PCNX1: variants seen among roughly 807,000 people sequenced by gnomAD.
PCNX1 encodes the protein pecanex-like protein 1.
Under a neutral mutation model 242.2 loss-of-function variants are expected in PCNX1, and 78 were observed. That is an observed-to-expected ratio of 0.32 (90% confidence interval 0.27 to 0.39). PCNX1 has a LOEUF of 0.39. PCNX1 is among the 10% of genes least tolerant of loss of function. The pLI, the probability that PCNX1 is intolerant of heterozygous loss-of-function variation, is 1.00. For synonymous variants in PCNX1, 1,024 were observed against 1,032.9 expected, an observed-to-expected ratio of 0.99 and a Z score of 0.17; for missense variants, 2,581 against 2,856.5, an observed-to-expected ratio of 0.90 and a Z score of 2.20.
In PCNX1 at chr14:71,057,614, G is replaced by C; in HGVS notation, c.4742G>C (p.Ser1581Thr). ...DLLLGRWGNYSTGDCFILASD... is the reference protein window; with the variant it reads ...DLLLGRWGNYTTGDCFILASD... ...CTACTAGGACGGTGGGGAAACTACA[G>C]TACAGGGGACTGTTTCATCCTTGCC... Residue 1581 changes from serine (S) to threonine (T), a missense_variant, in exon 26 of 36, where the codon AGT becomes ACT. By Grantham distance (58) the Ser-to-Thr change is moderately conservative. Around this residue, in one of 9 missense-constraint regions of PCNX1, gnomAD observed 54 missense variants for 45.3 expected, o/e 1.19. Transcript: ENST00000304743. 1 of 1,613,548 alleles carries C rather than the reference G, an allele frequency of 6.2e-7. No individual in the cohort carries two copies. Among genetic ancestry groups the C allele is most frequent in the Non-Finnish European group, 8.5e-7 (1 of 1,179,490 alleles).
rs902352364 is a variant in PCNX1 at position 70,984,394 on chromosome 14, AT to A, written c.2312-4163del. Among the ~76,000 whole-genome samples the A allele has an allele frequency of 8.1e-5, 12 of 148,890 alleles. No individual in the cohort carries two copies. In the South Asian group the frequency reaches 1.3e-3, roughly 16 times the overall value. ...ATTAATCAGGTATATGATTGACATCATTTTTTTTTTGAGACGGAGTCTCACT... is the reference window on the plus strand; with the variant it reads ...ATTAATCAGGTATATGATTGACATCATTTTTTTTTGAGACGGAGTCTCACT... On this transcript the variant is annotated intron_variant, in intron 6 of 35. Transcript: ENST00000304743.
chr14:71,049,711 A>G lies in PCNX1; in HGVS notation c.4339-941A>G, dbSNP rs536830085. Among the ~76,000 whole-genome samples, 21 of 152,314 alleles carry G rather than the reference A, an allele frequency of 1.4e-4. No individual in the cohort carries two copies. In the South Asian group the frequency reaches 4.4e-3, roughly 32 times the overall value. On this transcript the variant is annotated intron_variant, in intron 22 of 35. Transcript: ENST00000304743. ...CAAAAATAATTTTGAGTCATGGCAA[A>G]AATACTGCAGTTCATCTACATTTTT...
chr14:71,027,628 A>G (rs2060273638), intron 15 of PCNX1, among the ~76,000 whole-genome samples: 1 of 151,956 alleles, frequency 6.6e-6, no homozygotes, highest in Admixed American at 6.6e-5. Flanking sequence ...TCACATTTTC[A>G]GGCCTCATTT....
In PCNX1 at chr14:71,103,570, C is replaced by T. The variant is rs931747725; in HGVS notation, c.5996C>T (p.Thr1999Ile). The T allele has an allele frequency of 1.2e-6, 2 of 1,614,164 alleles. No individual in the cohort carries two copies. The highest frequency in any genetic ancestry group is 1.7e-5 in the Admixed American group (1 of 60,018). ...IGYPIFVSPL[T>I]TSYSDSHEQL... ...TACCCAATCTTTGTCTCACCCCTGA[C>T]AACTTCTTACTCTGACAGCCACGAA... The change falls in exon 32 of 36, where the codon ACA becomes ATA. Residue 1999 changes from threonine (T) to isoleucine (I), a missense_variant. By Grantham distance (89) the Thr-to-Ile change is moderately conservative (BLOSUM62 -1). Transcript: ENST00000304743.
intron 30 of PCNX1, among the ~76,000 whole-genome samples, chr14:71,100,375 G>T (rs1387564063): frequency 6.6e-6 from 1 of 152,176 alleles, no homozygotes; most frequent in Non-Finnish European, 1.5e-5. Flanking sequence ...GGCAGGATAT[G>T]AAATTCTTGG....
chr14:70,989,208 C>T (rs185264452), intron 7 of PCNX1, among the ~76,000 whole-genome samples: 20 of 151,942 alleles, frequency 1.3e-4, no homozygotes, highest in Admixed American at 1.0e-3. Context: ...CTTTTATAAT[C>T]ATCAGGATCT....
intron 26 of PCNX1, among the ~76,000 whole-genome samples, chr14:71,062,830 G>A (rs1207932674): frequency 6.6e-6 from 1 of 152,114 alleles, no homozygotes; most frequent in Admixed American, 6.6e-5. Context: ...TGTGGCAAGT[G>A]CCCTATATAG....
rs549240189 is a variant in PCNX1 at position 71,099,944 on chromosome 14, C to T, written c.5590-2046C>T. The stretch of plus-strand genomic sequence containing the variant: ...AATCTTTCTCCAGCCCTTTACTTTG[C>T]ACCTATGAGTGTCATTGCATGTGAG... On this transcript the variant is annotated intron_variant, in intron 30 of 35. Transcript: ENST00000304743. Among the ~76,000 whole-genome samples the T allele has an allele frequency of 5.3e-5, 8 of 152,236 alleles. No individual in the cohort carries two copies. The South Asian group carries it at 1.5e-3, about 28-fold the overall frequency.
chr14:71,014,918 G>A (rs2059920650), intron 11 of PCNX1, among the ~76,000 whole-genome samples: 1 of 151,906 alleles, frequency 6.6e-6, no homozygotes, highest in Non-Finnish European at 1.5e-5. Flanking sequence ...CTACACCAAG[G>A]GACACAACTG....
At chr14:70,917,908 T>C (rs1242017450) in intron 1 of PCNX1, among the ~76,000 whole-genome samples, 2 of 152,242 alleles carry the variant, frequency 1.3e-5, no homozygotes, top group African/African-American at 2.4e-5. Flanking sequence ...TTAGATCTTC[T>C]GGATAACTTG....
chr14:70,983,595 G>A (rs2058910169), intron 6 of PCNX1, among the ~76,000 whole-genome samples: 1 of 151,680 alleles, frequency 6.6e-6, no homozygotes, highest in South Asian at 2.1e-4. Flanking sequence ...GAGCCACCGT[G>A]CCCACCCATA....
intron 25 of PCNX1, among the ~76,000 whole-genome samples, chr14:71,057,126 AC>A (rs1205909348): frequency 6.6e-6 from 1 of 151,928 alleles, no homozygotes; most frequent in Non-Finnish European, 1.5e-5. Context: ...TACTTCCTTT[AC>A]TAAATAGTCT....
intron 1 of PCNX1, among the ~76,000 whole-genome samples, chr14:70,908,954 A>G (rs921349726): frequency 6.6e-6 from 1 of 152,258 alleles, no homozygotes; most frequent in Non-Finnish European, 1.5e-5. Context: ...ATGTTACTTA[A>G]GGCTTCATAT....
intron 2 of PCNX1, among the ~76,000 whole-genome samples, chr14:70,951,953 TAAG>T: frequency 6.6e-6 from 1 of 152,334 alleles, no homozygotes; most frequent in East Asian, 1.9e-4. Flanking sequence ...CTATTTCTGT[TAAG>T]AAATGCATAT....
chr14:71,055,651 C>T, intron 25 of PCNX1, 89 bp downstream of exon 25: 1 of 707,282 alleles, frequency 1.4e-6, no homozygotes. Context: ...TGTTGGGAAT[C>T]CTCTATGAAT....
chr14:71,066,073 T>C (rs1362770145), intron 26 of PCNX1, among the ~76,000 whole-genome samples: 1 of 152,218 alleles, frequency 6.6e-6, no homozygotes, highest in East Asian at 1.9e-4. Context: ...TTCTTTTTGC[T>C]TAGGATTGTC....
chr14:71,048,896 A>G (rs146946105), intron 22 of PCNX1: 11 of 251,564 alleles, frequency 4.4e-5, no homozygotes, highest in African/African-American at 2.1e-4. Context: ...TTGATAGTCA[A>G]TTTCAGTATT....
At chr14:71,021,096 C>A (rs182488156) in intron 12 of PCNX1, among the ~76,000 whole-genome samples, 1 of 152,032 alleles carries the variant, frequency 6.6e-6, no homozygotes, top group African/African-American at 2.4e-5. Context: ...TTTCTGAGGC[C>A]TCTGTTCTGT....
Position 70,931,490 on chromosome 14 carries a change from T to A in PCNX1, c.154-15425T>A, listed in dbSNP as rs369449669. Reference sequence around the variant, plus strand: ...GAGTGTTAAGAAAAGTTAGTCCAGATATACTGATGGATGGAACTTACAATT... The same window carrying A: ...GAGTGTTAAGAAAAGTTAGTCCAGAAATACTGATGGATGGAACTTACAATT... On this transcript the variant is annotated intron_variant, in intron 1 of 35. Coordinates refer to ENST00000304743, the MANE Select transcript of PCNX1 (RefSeq NM_014982.3). Among the ~76,000 whole-genome samples, 33 of 133,310 alleles carry A rather than the reference T, an allele frequency of 2.5e-4. 1 individual carries two copies. The South Asian group carries it at 5.2e-3, about 21-fold the overall frequency. The allele number at this position is 133,310 out of a possible 152,430, so 87.5% of individuals were successfully genotyped here.
Sources: gnomAD v4.1 joint callset for allele counts (sites outside exome capture counted in the v4.1 genomes callset) on GRCh38, gnomAD v4.1.1 for gene constraint, gnomAD v4.1.1 regional missense constraint, MANE v1.5 for transcripts, NCBI Gene and HGNC (gene_info 2026-07-23, HGNC 2026-07-21) for gene names.